CTDSPL: variants seen among roughly 807,000 people sequenced by gnomAD.
The protein encoded by CTDSPL is CTD small phosphatase like.
CTDSPL carries 8 observed loss-of-function variants against 30.5 expected under a neutral mutation model. The observed-to-expected ratio is 0.26, with a 90% confidence interval of 0.15 to 0.47. CTDSPL has a LOEUF of 0.47. Among genes scored for constraint, CTDSPL ranks in the 20% least tolerant of loss-of-function variants. The pLI is 0.99. For missense variants in CTDSPL, 248 were observed against 366.1 expected, an observed-to-expected ratio of 0.68 and a Z score of 2.63; for synonymous variants, 110 against 137.9, an observed-to-expected ratio of 0.80 and a Z score of 1.42.
In CTDSPL at chr3:37,981,734, T is replaced by C. The variant is rs900647394; in HGVS notation, c.*867T>C. On this transcript the variant is annotated 3_prime_UTR_variant, in exon 8 of 8. Coordinates refer to ENST00000273179, the MANE Select transcript of CTDSPL (RefSeq NM_001008392.2). The stretch of plus-strand genomic sequence containing the variant: ...CATACATTTGTGTTTTTTGTTGTTA[T>C]TGTTTGGGTAGAGCAGTTACAAGAA... The C allele has an allele frequency of 2.3e-5, 10 of 425,666 alleles. No homozygotes were observed. The highest frequency in any genetic ancestry group is 1.4e-4 in the African/African-American group (7 of 49,036). The allele number at this position is 425,666 out of a possible 1,614,324, so 26.4% of individuals were successfully genotyped here. A position where few individuals can be genotyped will look rare whatever the true frequency, so the allele number is the denominator to read the frequency against.
chr3:37,862,148 C>G lies in CTDSPL; in HGVS notation c.-52C>G, dbSNP rs1297079673. 1.1e-6 allele frequency: 1 copy of G among 947,452 alleles called. No homozygotes were observed. Among genetic ancestry groups the G allele is most frequent in the Non-Finnish European group, 1.3e-6 (1 of 797,036 alleles). 58.7% of individuals were successfully genotyped at this position (947,452 alleles called of 1,614,324 possible). A position where few individuals can be genotyped will look rare whatever the true frequency, so the allele number is the denominator to read the frequency against. On this transcript the variant is annotated 5_prime_UTR_variant, in exon 1 of 8. Coordinates refer to ENST00000273179, the MANE Select transcript of CTDSPL (RefSeq NM_001008392.2). This position sits in a 1 kb window ranked among gnomAD's most constrained non-coding sequence, Gnocchi z 4.3. ...GCGCCCCCCGCGCCGCGCCCCCGCG[C>G]GCTTGGCTTGCGGGGGGCCGGGCCT...
chr3:37,916,007 G>C (rs56386312), intron 1 of CTDSPL, among the ~76,000 whole-genome samples: 3,185 of 152,238 alleles, frequency 0.021, 108 homozygotes, highest in African/African-American at 0.071. Flanking sequence ...CTCTGAGAAC[G>C]AGTCCACTTC....
rs141413167 is a variant in CTDSPL, at chr3:37,924,279, C to T, written c.80-22778C>T. Among the ~76,000 whole-genome samples, 12 of 152,172 alleles carry T rather than the reference C, an allele frequency of 7.9e-5. No homozygotes were observed. In the East Asian group the frequency reaches 2.3e-3, roughly 29 times the overall value. ...TTCTAGGGCTGCCATTTGCTTTTCTCTTCATTATGGTTACTGTCCCACAAT... is the reference window on the plus strand; with the variant it reads ...TTCTAGGGCTGCCATTTGCTTTTCTTTTCATTATGGTTACTGTCCCACAAT... On this transcript the variant is annotated intron_variant, in intron 1 of 7. Transcript: ENST00000273179.
At chr3:37,974,652 A>G (rs1040009346) in intron 6 of CTDSPL, among the ~76,000 whole-genome samples, 1 of 152,104 alleles carries the variant, frequency 6.6e-6, no homozygotes, top group African/African-American at 2.4e-5. Flanking sequence ...TTTGGGGGAA[A>G]TTTCCTAGGT....
chr3:37,968,443 C>T (rs781564747), intron 5 of CTDSPL: 5 of 220,588 alleles, frequency 2.3e-5, no homozygotes, highest in Middle Eastern at 4.8e-4. Context: ...CATGCGTCTT[C>T]GTTGCTTCTG....
At position 37,984,243 on chromosome 3, in the gene CTDSPL, C is replaced by T. The variant is rs192266087; in HGVS notation, c.*3376C>T. On this transcript the variant is annotated 3_prime_UTR_variant, in exon 8 of 8. Coordinates refer to ENST00000273179, the MANE Select transcript of CTDSPL (RefSeq NM_001008392.2). ...ATCATGTCTGTTCCTGTTCCATTCTCCCAGGAGCTTCTCTGCAGACTGACA... is the reference window on the plus strand; with the variant it reads ...ATCATGTCTGTTCCTGTTCCATTCTTCCAGGAGCTTCTCTGCAGACTGACA... 2.7e-5 allele frequency: 12 copies of T among 452,360 alleles called. No individual in the cohort carries two copies. Among genetic ancestry groups the T allele is most frequent in the Non-Finnish European group, 5.3e-5 (12 of 225,526 alleles). 28.0% of individuals were successfully genotyped at this position (452,360 alleles called of 1,614,324 possible). A position where few individuals can be genotyped will look rare whatever the true frequency, so the allele number is the denominator to read the frequency against.
intron 1 of CTDSPL, among the ~76,000 whole-genome samples, chr3:37,892,498 T>C (rs1317312111): frequency 6.6e-6 from 1 of 152,174 alleles, no homozygotes; most frequent in Non-Finnish European, 1.5e-5. Context: ...ATTAGCTATT[T>C]CTATGCATTT....
chr3:37,897,689 A>C (rs1254864167), intron 1 of CTDSPL, among the ~76,000 whole-genome samples: 1 of 152,144 alleles, frequency 6.6e-6, no homozygotes, highest in Non-Finnish European at 1.5e-5. Flanking sequence ...TGCTTGTGTG[A>C]AGAGTGAAGG....
In CTDSPL at chr3:37,971,334, G is replaced by C. The variant is rs1376248984; in HGVS notation, c.427-73G>C. The stretch of plus-strand genomic sequence containing the variant: ...AACCTTTGTAGCAATTCTTCCTACA[G>C]TGGGCATTTGGGCCCCAGGCCATCC... On this transcript the variant is annotated intron_variant, in intron 5 of 7. Transcript: ENST00000273179. 3.0e-6 allele frequency: 4 copies of C among 1,335,866 alleles called. No homozygotes were observed. The Admixed American group carries it at 7.5e-5, about 25-fold the overall frequency. 82.8% of individuals were successfully genotyped at this position (1,335,866 alleles called of 1,614,324 possible).
At chr3:37,874,704 T>C (rs1255682643) in intron 1 of CTDSPL, among the ~76,000 whole-genome samples, 1 of 152,052 alleles carries the variant, frequency 6.6e-6, no homozygotes, top group Non-Finnish European at 1.5e-5. Context: ...CACTCTAGCC[T>C]GGCGACAGAG....
chr3:37,968,268 A>G, intron 5 of CTDSPL: 1 of 458,164 alleles, frequency 2.2e-6, no homozygotes, highest in Admixed American at 2.4e-5. Context: ...CTCTCGGGAA[A>G]AAGTGTCCAT....
chr3:37,957,112 G>A lies in CTDSPL; in HGVS notation c.236G>A (p.Gly79Asp), dbSNP rs1553686492. 1.3e-6 allele frequency: 2 copies of A among 1,599,126 alleles called. No individual in the cohort carries two copies. Among genetic ancestry groups the A allele is most frequent in the Non-Finnish European group, 1.7e-6 (2 of 1,171,450 alleles). The change falls in exon 3 of 8, where the codon GGT (glycine) becomes GAT (aspartate). Residue 79 changes from glycine (G) to aspartate (D), a missense_variant and splice_region_variant. By Grantham distance (94) the Gly-to-Asp change is moderately conservative (BLOSUM62 -1). This residue lies in a region of CTDSPL where 118 missense variants were observed against 124.7 expected (regional missense o/e 0.95). Coordinates refer to ENST00000273179, the MANE Select transcript of CTDSPL (RefSeq NM_001008392.2). ...LVEENGGLQK[G>D]DQRQVIPIPS... Reference sequence around the variant, plus strand: ...GATTTTTTTTTTCTTTTTCCTCAGGGTGACCAGAGGCAGGTCATTCCCATA... The same window carrying A: ...GATTTTTTTTTTCTTTTTCCTCAGGATGACCAGAGGCAGGTCATTCCCATA...
chr3:37,876,754 T>A (rs1698138790), intron 1 of CTDSPL, among the ~76,000 whole-genome samples: 2 of 152,148 alleles, frequency 1.3e-5, no homozygotes, highest in Non-Finnish European at 2.9e-5. Flanking sequence ...AGTCTATGGT[T>A]TATATTTTTA....
Position 37,969,109 on chromosome 3 carries a change from T to G in CTDSPL, c.426+1227T>G, listed in dbSNP as rs551011194. Among the ~76,000 whole-genome samples the G allele has an allele frequency of 2.0e-5, 3 of 152,380 alleles. No individual in the cohort carries two copies. The South Asian group carries it at 6.2e-4, about 32-fold the overall frequency. The stretch of plus-strand genomic sequence containing the variant: ...ATTAACTCAGCATCTGAGAAGCAGT[T>G]AAGGCTTCTGCATTTATCATCTTGG... On this transcript the variant is annotated intron_variant, in intron 5 of 7. Transcript: ENST00000273179.
chr3:37,898,550 C>T (rs1467742314), intron 1 of CTDSPL, among the ~76,000 whole-genome samples: 2 of 152,146 alleles, frequency 1.3e-5, no homozygotes, highest in Non-Finnish European at 2.9e-5. Context: ...TTACTACGAG[C>T]CCCGTGCCAA....
chr3:37,962,215 T>TTA (rs924363793), intron 3 of CTDSPL, among the ~76,000 whole-genome samples: 2 of 152,182 alleles, frequency 1.3e-5, no homozygotes, highest in African/African-American at 4.8e-5. Context: ...TGTATTGTCA[T>TTA]TATATAGCAT....
At chr3:37,869,971 G>A (rs1698054634) in intron 1 of CTDSPL, among the ~76,000 whole-genome samples, 2 of 152,096 alleles carry the variant, frequency 1.3e-5, no homozygotes, top group East Asian at 3.9e-4. Context: ...TGGTTGTGGT[G>A]TATAATTCTT....
At position 37,975,046 on chromosome 3, in the gene CTDSPL, T is replaced by C. The variant is rs571459543; in HGVS notation, c.520-663T>C. 5.3e-4 allele frequency among the ~76,000 whole-genome samples: 80 copies of C among 152,214 alleles called. 1 individual carries two copies. The highest frequency in any genetic ancestry group is 2.9e-3 in the Admixed American group (45 of 15,296). Reference sequence around the variant, plus strand: ...GAGGGAAACAACCCAGAAAGGAAGATAGATGTGGCTCTAGGTGGATGGGAG... The same window carrying C: ...GAGGGAAACAACCCAGAAAGGAAGACAGATGTGGCTCTAGGTGGATGGGAG... On this transcript the variant is annotated intron_variant, in intron 6 of 7. Coordinates refer to ENST00000273179, the MANE Select transcript of CTDSPL (RefSeq NM_001008392.2). This position sits in a 1 kb window ranked among gnomAD's most constrained non-coding sequence, Gnocchi z 4.9.
intron 1 of CTDSPL, among the ~76,000 whole-genome samples, chr3:37,883,607 G>A (rs1342726664): frequency 6.6e-6 from 1 of 152,152 alleles, no homozygotes; most frequent in East Asian, 1.9e-4. Context: ...AGGTTATGCT[G>A]GCCTCAAACA....
Sources: allele counts gnomAD v4.1 joint callset (sites outside exome capture counted in the v4.1 genomes callset), GRCh38; gene constraint gnomAD v4.1.1; regional missense constraint gnomAD v4.1.1; non-coding constraint Gnocchi (gnomAD v3.1); transcripts MANE v1.5; gene names NCBI Gene and HGNC (gene_info 2026-07-23, HGNC 2026-07-21).